The following NTRK2 variants were observed in gnomAD, a reference collection of about 807,000 sequenced individuals.
NTRK2 encodes the protein neurotrophic receptor tyrosine kinase 2, also known as BDNF/NT-3 growth factors receptor.
NTRK2 carries 13 observed loss-of-function variants against 94.5 expected under a neutral mutation model. That is an observed-to-expected ratio of 0.14 (90% CI 0.09 to 0.22). The LOEUF (loss-of-function observed/expected upper bound fraction) is 0.22, where lower values mean the gene tolerates loss of function less well. NTRK2 is among the 10% of genes least tolerant of loss of function. The pLI is 1.00. For synonymous variants in NTRK2, 372 were observed against 407.4 expected, an observed-to-expected ratio of 0.91 and a Z score of 1.05; for missense variants, 639 against 1,071.2, an observed-to-expected ratio of 0.60 and a Z score of 5.63.
chr9:84,701,849 G>C lies in NTRK2; in HGVS notation c.213-310G>C, dbSNP rs1027311028. On this transcript the variant is annotated intron_variant, in intron 2 of 18. Coordinates refer to ENST00000277120, the MANE Select transcript of NTRK2 (RefSeq NM_006180.6). ...TTGAGAGGAGTAGATGCATTTCCACGGTGTTTTCACATATGTACACTGGTG... is the reference window on the plus strand; with the variant it reads ...TTGAGAGGAGTAGATGCATTTCCACCGTGTTTTCACATATGTACACTGGTG... Among the ~76,000 whole-genome samples the C allele has an allele frequency of 2.0e-5, 3 of 152,148 alleles. No individual in the cohort carries two copies. The East Asian group carries it at 5.8e-4, about 29-fold the overall frequency.
chr9:84,886,984 C>T (rs1457429246), intron 14 of NTRK2, among the ~76,000 whole-genome samples: 1 of 152,112 alleles, frequency 6.6e-6, no homozygotes, highest in African/African-American at 2.4e-5. Flanking sequence ...TCTTGACTGG[C>T]TTAATGAAAA....
chr9:84,878,329 C>T (rs1206523166), intron 14 of NTRK2, among the ~76,000 whole-genome samples: 1 of 152,150 alleles, frequency 6.6e-6, no homozygotes. Flanking sequence ...CAGATCCTGT[C>T]TTTCCTTAAA....
chr9:84,727,575 C>G, intron 8 of NTRK2, 79 bp from the exon 9 acceptor site: 1 of 1,386,564 alleles, frequency 7.2e-7, no homozygotes, highest in South Asian at 1.2e-5. Flanking sequence ...GTAAAATTCC[C>G]TATCAATGAC....
intron 14 of NTRK2, among the ~76,000 whole-genome samples, chr9:84,896,393 C>T (rs574669943): frequency 1.2e-4 from 18 of 152,280 alleles, no homozygotes; most frequent in African/African-American, 4.3e-4. Flanking sequence ...TGAGGACAGC[C>T]TGCACATACA....
At chr9:84,703,867 C>T (rs1467389349) in intron 4 of NTRK2, among the ~76,000 whole-genome samples, 4 of 152,194 alleles carry the variant, frequency 2.6e-5, no homozygotes, top group Non-Finnish European at 5.9e-5. Flanking sequence ...AATCTGATGG[C>T]TGCATAGGCC....
intron 12 of NTRK2, among the ~76,000 whole-genome samples, chr9:84,799,126 T>C (rs1412565933): frequency 6.6e-6 from 1 of 151,924 alleles, no homozygotes; most frequent in Non-Finnish European, 1.5e-5. Flanking sequence ...CAGTGGCTGT[T>C]CTCCATCTTC....
chr9:84,813,910 AC>A (rs1320116384), intron 12 of NTRK2: 1 of 1,065,318 alleles, frequency 9.4e-7, no homozygotes, highest in Non-Finnish European at 1.1e-6. Flanking sequence ...GCCTCCAGAG[AC>A]CCTCTCAGGC....
At chr9:84,906,888 A>G (rs778846262) in intron 14 of NTRK2, among the ~76,000 whole-genome samples, 9 of 152,180 alleles carry the variant, frequency 5.9e-5, no homozygotes, top group Non-Finnish European at 1.0e-4. Flanking sequence ...TTCCCCCATC[A>G]TGTCCATCCT....
intron 15 of NTRK2, among the ~76,000 whole-genome samples, chr9:84,939,196 A>G (rs941050863): frequency 1.3e-5 from 2 of 152,292 alleles, no homozygotes; most frequent in East Asian, 3.9e-4. Flanking sequence ...TATATATAGA[A>G]TAACGTAATC....
At chr9:84,905,572 A>G (rs2077050242) in intron 14 of NTRK2, among the ~76,000 whole-genome samples, 1 of 152,204 alleles carries the variant, frequency 6.6e-6, no homozygotes, top group African/African-American at 2.4e-5. Flanking sequence ...TTAAAAGTAC[A>G]TTACCCTTTG....
chr9:85,008,109 A>T (rs1588172696), intron 17 of NTRK2, among the ~76,000 whole-genome samples: 1 of 151,954 alleles, frequency 6.6e-6, no homozygotes, highest in Middle Eastern at 3.4e-3. Context: ...CACACTGGCA[A>T]ATGTTTGGGT....
chr9:84,980,237 G>A (rs928677982), intron 17 of NTRK2, among the ~76,000 whole-genome samples: 3 of 152,092 alleles, frequency 2.0e-5, no homozygotes, highest in Admixed American at 6.5e-5. Flanking sequence ...CCATCCAATT[G>A]CATTACTATA....
chr9:84,970,378 TAAA>T (rs1225661220), intron 17 of NTRK2, among the ~76,000 whole-genome samples: 1 of 150,868 alleles, frequency 6.6e-6, no homozygotes, highest in Non-Finnish European at 1.5e-5. Context: ...AATAAAAAAA[TAAA>T]AAATAAATAA....
At chr9:84,935,310 C>T (rs7046379) in intron 15 of NTRK2, among the ~76,000 whole-genome samples, 3,242 of 152,262 alleles carry the variant, frequency 0.021, 49 homozygotes, top group Non-Finnish European at 0.033. Flanking sequence ...GGAGTCTATT[C>T]CATTACTGTT....
intron 12 of NTRK2, among the ~76,000 whole-genome samples, chr9:84,770,075 G>A (rs925323276): frequency 6.6e-6 from 1 of 151,646 alleles, no homozygotes; most frequent in Non-Finnish European, 1.5e-5. Context: ...GCTTCTGAGG[G>A]TCACGCACCT....
chr9:84,881,706 G>C (rs2076259306), intron 14 of NTRK2, among the ~76,000 whole-genome samples: 1 of 152,172 alleles, frequency 6.6e-6, no homozygotes, highest in Non-Finnish European at 1.5e-5. Context: ...AGGAGCAAAA[G>C]GTTGGTTATC....
intron 13 of NTRK2, among the ~76,000 whole-genome samples, chr9:84,864,577 T>C (rs936488683): frequency 4.6e-5 from 7 of 152,256 alleles, no homozygotes; most frequent in Admixed American, 4.6e-4. Context: ...CTGAGAAACA[T>C]GCAGCCTTGG....
chr9:84,901,155 T>C (rs2076914500), intron 14 of NTRK2, among the ~76,000 whole-genome samples: 1 of 152,278 alleles, frequency 6.6e-6, no homozygotes, highest in East Asian at 1.9e-4. Context: ...TAAATTACTA[T>C]AGCTCTGTTA....
At chr9:84,736,946 A>G (rs1234978099) in intron 9 of NTRK2, among the ~76,000 whole-genome samples, 1 of 152,182 alleles carries the variant, frequency 6.6e-6, no homozygotes, top group Non-Finnish European at 1.5e-5. Context: ...CAAAAGGCTG[A>G]TCCCCCCATG....
Sources: allele counts gnomAD v4.1 joint callset (sites outside exome capture counted in the v4.1 genomes callset), GRCh38; gene constraint gnomAD v4.1.1; transcripts MANE v1.5; gene names NCBI Gene and HGNC (gene_info 2026-07-23, HGNC 2026-07-21).